Variants in NEK4 observed in about 807,000 individuals in gnomAD.
NEK4 encodes NIMA related kinase 4, also known as serine/threonine-protein kinase Nek4.
NEK4 carries 86 observed loss-of-function variants against 98.4 expected under a neutral mutation model. The ratio of observed to expected loss-of-function variants is 0.87; its 90% CI spans 0.73 to 1.05. NEK4 has a LOEUF of 1.05. Ranked by LOEUF, NEK4 falls within the 50% of genes least tolerant of loss-of-function variation. The pLI is 0.00. For synonymous variants in NEK4, 328 were observed against 342.2 expected (o/e 0.96, Z 0.46); for missense variants, 898 against 950.3 (o/e 0.94, Z 0.72).
At chr3:52,717,106 C>G (rs969810647) in intron 15 of NEK4, among the ~76,000 whole-genome samples, 2 of 152,052 alleles carry the variant, frequency 1.3e-5, no homozygotes, top group Non-Finnish European at 2.9e-5. Flanking sequence ...TACAGGACTG[C>G]TAAAAATTAT....
At chr3:52,746,972 T>C (rs2097397332) in intron 8 of NEK4, 68 bp from the exon 9 acceptor site, 1 of 1,276,120 alleles carries the variant, frequency 7.8e-7, no homozygotes, top group Admixed American at 2.2e-5. Context: ...CAAAGTAAGT[T>C]GTCCATAAAA....
chr3:52,719,539 C>A lies in NEK4; in HGVS notation c.2434-7670G>T, dbSNP rs543909122. ...CGTAGGTTGTAGTGAGCGAAGATCA[C>A]GCCACTGCACTCCAGCCTGGGTGAC... On this transcript the variant is annotated intron_variant, in intron 15 of 15. Transcript: ENST00000233027. Among the ~76,000 whole-genome samples, 10 of 148,950 alleles carry A rather than the reference C, an allele frequency of 6.7e-5. No individual in the cohort carries two copies. The South Asian group carries it at 2.1e-3, about 32-fold the overall frequency.
intron 15 of NEK4, among the ~76,000 whole-genome samples, chr3:52,713,977 G>C (rs1400703609): frequency 6.6e-6 from 1 of 152,194 alleles, no homozygotes; most frequent in Non-Finnish European, 1.5e-5. Flanking sequence ...GCTCACATCT[G>C]TAATTCCAGC....
intron 10 of NEK4, among the ~76,000 whole-genome samples, chr3:52,745,810 C>T (rs1473927165): frequency 1.3e-5 from 2 of 152,074 alleles, no homozygotes; most frequent in African/African-American, 4.8e-5. Context: ...TTAACCTCCG[C>T]CTTTTGGGTT....
chr3:52,763,419 C>T, intron 5 of NEK4, 51 bp downstream of exon 5: 1 of 1,518,846 alleles, frequency 6.6e-7, no homozygotes, highest in Non-Finnish European at 8.9e-7. Context: ...AGAAGCCACC[C>T]TCTTTCACCC....
At chr3:52,720,656 A>G (rs2097359262) in intron 15 of NEK4, among the ~76,000 whole-genome samples, 1 of 152,230 alleles carries the variant, frequency 6.6e-6, no homozygotes, top group Non-Finnish European at 1.5e-5. Flanking sequence ...CAAGAATTCC[A>G]TATCTAGCAA....
Position 52,768,541 on chromosome 3 carries a change from C to T in NEK4, c.157G>A (p.Glu53Lys), listed in dbSNP as rs757250522. 1 of 1,614,186 alleles carries T rather than the reference C, an allele frequency of 6.2e-7. No individual in the cohort carries two copies. Among genetic ancestry groups the T allele is most frequent in the South Asian group, 1.1e-5 (1 of 91,080 alleles). ...SSRERRAAEQEAQLLSQLKHP... is the reference protein window; with the variant it reads ...SSRERRAAEQKAQLLSQLKHP... ...TTCAACTGAGACAAGAGCTGGGCTT[C>T]CTGTTCAGCAGCTCGCCGCTCTCGG... Residue 53 changes from glutamate (E) to lysine (K), a missense_variant, in exon 2 of 16, where the codon GAA becomes AAA. By Grantham distance (56) the Glu-to-Lys change is moderately conservative. Coordinates refer to ENST00000233027, the MANE Select transcript of NEK4 (RefSeq NM_003157.6).
intron 6 of NEK4, among the ~76,000 whole-genome samples, chr3:52,752,929 T>TACACAC (rs1215610708): frequency 2.0e-5 from 1 of 49,728 alleles, no homozygotes; most frequent in Non-Finnish European, 4.4e-5. Flanking sequence ...TATATATATA[T>TACACAC]ATATACACAC....
intron 8 of NEK4, among the ~76,000 whole-genome samples, chr3:52,749,228 G>A (rs2097401121): frequency 1.3e-5 from 2 of 151,976 alleles, no homozygotes; most frequent in African/African-American, 4.8e-5. Flanking sequence ...TGCCTCCCAG[G>A]TTCAAGCGAT....
At chr3:52,760,462 C>T (rs1015919886) in intron 6 of NEK4, among the ~76,000 whole-genome samples, 28 of 152,250 alleles carry the variant, frequency 1.8e-4, no homozygotes, top group African/African-American at 6.0e-4. Flanking sequence ...GGTGATCTGC[C>T]AGCCTCGGCC....
intron 12 of NEK4, among the ~76,000 whole-genome samples, chr3:52,742,762 T>C (rs78014137): frequency 0.014 from 2,108 of 152,290 alleles, 19 homozygotes; most frequent in South Asian, 0.036. Flanking sequence ...TGCAAGCCCT[T>C]AGAAAGTTCT....
Position 52,710,053 on chromosome 3 carries a change from T to G in NEK4, c.*1724A>C, listed in dbSNP as rs184140710. 6.6e-6 allele frequency: 1 copy of G among 152,208 alleles called. No individual in the cohort carries two copies. Among genetic ancestry groups the G allele is most frequent in the African/African-American group, 2.4e-5 (1 of 41,438 alleles). 9.4% of individuals were successfully genotyped at this position (152,208 alleles called of 1,614,324 possible). On this transcript the variant is annotated 3_prime_UTR_variant, in exon 16 of 16. Coordinates refer to ENST00000233027, the MANE Select transcript of NEK4 (RefSeq NM_003157.6). The stretch of plus-strand genomic sequence containing the variant: ...TCCTGGCAGAGAACCTGGCACACAG[T>G]AAACTCTAAATAAAAATCTGTTAAG...
At chr3:52,724,904 GAAC>G (rs925835149) in intron 15 of NEK4, among the ~76,000 whole-genome samples, 1 of 152,126 alleles carries the variant, frequency 6.6e-6, no homozygotes, top group African/African-American at 2.4e-5. Flanking sequence ...ACATATATCA[GAAC>G]ATCACATTGT....
rs1169722385 is a variant in NEK4, at chr3:52,749,642, T to A, written c.1506+50A>T. 2.5e-5 allele frequency: 5 copies of A among 202,816 alleles called. No individual in the cohort carries two copies. The South Asian group carries it at 2.6e-4, about 11-fold the overall frequency. 12.6% of individuals were successfully genotyped at this position (202,816 alleles called of 1,614,324 possible). On this transcript the variant is annotated intron_variant, in intron 8 of 15. Transcript: ENST00000233027. ...TGAGGTCAGAAGTTCGTGACCAGCC[T>A]GACCAACATGGTAAAACCCCATCTC...
At chr3:52,757,329 G>A (rs1338612454) in intron 6 of NEK4, among the ~76,000 whole-genome samples, 2 of 152,132 alleles carry the variant, frequency 1.3e-5, no homozygotes, top group African/African-American at 2.4e-5. Flanking sequence ...AGGCCAAGGC[G>A]GGTGGATTAC....
At chr3:52,728,928 A>G (rs1398218840) in intron 15 of NEK4, among the ~76,000 whole-genome samples, 1 of 152,114 alleles carries the variant, frequency 6.6e-6, no homozygotes, top group Non-Finnish European at 1.5e-5. Flanking sequence ...AGGGTGGGGA[A>G]AAAACTCCAC....
chr3:52,748,117 G>T (rs2097399461), intron 8 of NEK4, among the ~76,000 whole-genome samples: 1 of 142,380 alleles, frequency 7.0e-6, no homozygotes, highest in Admixed American at 7.6e-5. Context: ...CCGCCACCAC[G>T]CCCAGCTAAT....
In NEK4 at chr3:52,718,134, C is replaced by T. The variant is rs540893851; in HGVS notation, c.2434-6265G>A. 2.6e-5 allele frequency among the ~76,000 whole-genome samples: 4 copies of T among 152,166 alleles called. No homozygotes were observed. In the South Asian group the frequency reaches 8.3e-4, roughly 32 times the overall value. ...TTTTTAAATTCTTTGTTTTCTCTCT[C>T]TTCTTTTCCTCCTTTTTCCCACTTC... On this transcript the variant is annotated intron_variant, in intron 15 of 15. Transcript: ENST00000233027.
chr3:52,770,366 A>G (rs2154107531), intron 1 of NEK4, among the ~76,000 whole-genome samples: 1 of 91,518 alleles, frequency 1.1e-5, no homozygotes, highest in South Asian at 3.2e-4. Context: ...AATTAGTACA[A>G]CAAAGAAGTA....
Sources: gnomAD v4.1 joint callset for allele counts (sites outside exome capture counted in the v4.1 genomes callset) on GRCh38, gnomAD v4.1.1 for gene constraint, MANE v1.5 for transcripts, NCBI Gene and HGNC (gene_info 2026-07-23, HGNC 2026-07-21) for gene names.